Variants in ADGRV1 observed in about 807,000 individuals in gnomAD.
ADGRV1 encodes G-protein coupled receptor 98.
In ADGRV1, 359 loss-of-function variants were observed where a neutral mutation model predicts 596.2. The ratio of observed to expected loss-of-function variants is 0.60; its 90% CI spans 0.55 to 0.66. The LOEUF (loss-of-function observed/expected upper bound fraction) is 0.66, where lower values mean the gene tolerates loss of function less well. ADGRV1 is among the 30% of genes least tolerant of loss of function. The pLI is 0.00. For synonymous variants in ADGRV1, 2,681 were observed against 2,679.2 expected, an observed-to-expected ratio of 1.00 and a Z score of -0.02; for missense variants, 7,274 against 7,575.6, an observed-to-expected ratio of 0.96 and a Z score of 1.48.
chr5:91,092,195 G>A (rs1352610611), intron 86 of ADGRV1, among the ~76,000 whole-genome samples: 1 of 152,172 alleles, frequency 6.6e-6, no homozygotes, highest in East Asian at 1.9e-4. Context: ...CTGCCTCCCA[G>A]GTTCAAGCAA....
At chr5:90,581,712 T>C (rs1009478752) in intron 1 of ADGRV1, among the ~76,000 whole-genome samples, 1 of 152,164 alleles carries the variant, frequency 6.6e-6, no homozygotes, top group Non-Finnish European at 1.5e-5. Flanking sequence ...GGCACCCACT[T>C]AAGGAGGCAG....
intron 57 of ADGRV1, among the ~76,000 whole-genome samples, chr5:90,758,042 C>A (rs888625222): frequency 2.6e-5 from 4 of 152,148 alleles, no homozygotes; most frequent in Admixed American, 1.3e-4. Context: ...AGATTTAGAA[C>A]TTGAAACATT....
rs1032425357 is a variant in ADGRV1 at position 90,795,131 on chromosome 5, G to C, written c.14517+3785G>C. ...TTTTCCCTTACCTCAGTGGTGCCTG[G>C]AATGCCAGCGAGACAGAACCGTTCA... is the stretch of plus-strand genomic sequence containing the variant. On this transcript the variant is annotated intron_variant, in intron 70 of 89. Coordinates refer to ENST00000405460, the MANE Select transcript of ADGRV1 (RefSeq NM_032119.4). 2.7e-5 allele frequency among the ~76,000 whole-genome samples: 4 copies of C among 148,354 alleles called. No individual in the cohort carries two copies. The South Asian group carries it at 6.4e-4, about 24-fold the overall frequency.
chr5:90,772,416 G>C (rs1757792003), intron 59 of ADGRV1, among the ~76,000 whole-genome samples: 1 of 152,066 alleles, frequency 6.6e-6, no homozygotes, highest in African/African-American at 2.4e-5. Flanking sequence ...TGTGCTTTCT[G>C]TTGGTGAGTT....
chr5:90,723,305 T>G (rs1054407183), intron 45 of ADGRV1, among the ~76,000 whole-genome samples: 5 of 152,030 alleles, frequency 3.3e-5, no homozygotes, highest in Non-Finnish European at 7.4e-5. Context: ...CCCAAGCATG[T>G]GTAGGTTGGA....
chr5:90,752,435 A>T (rs1252141003), intron 53 of ADGRV1, among the ~76,000 whole-genome samples: 1 of 152,008 alleles, frequency 6.6e-6, no homozygotes, highest in East Asian at 1.9e-4. Flanking sequence ...ATTTTTCCTG[A>T]TCCTCTCCCT....
intron 1 of ADGRV1, among the ~76,000 whole-genome samples, chr5:90,562,108 G>A (rs950705594): frequency 6.6e-6 from 1 of 152,130 alleles, no homozygotes; most frequent in Non-Finnish European, 1.5e-5. Context: ...CAGGGTGAGA[G>A]CTGAATTATT....
At position 90,716,892 on chromosome 5, in the gene ADGRV1, C is replaced by G. The variant is rs919578516; in HGVS notation, c.9447+163C>G. 11 of 545,552 alleles carry G rather than the reference C, an allele frequency of 2.0e-5. 1 individual carries two copies. Among genetic ancestry groups the G allele is most frequent in the African/African-American group, 1.1e-4 (6 of 53,370 alleles). The allele number at this position is 545,552 out of a possible 1,614,324, so 33.8% of individuals were successfully genotyped here. On this transcript the variant is annotated intron_variant, in intron 43 of 89. Transcript: ENST00000405460. ...TTACTATGTGACAAGTGCTGTAGTT[C>G]TATTTACTCTGTATAAAGCGCAACT...
Position 90,724,900 on chromosome 5 carries a change from T to G in ADGRV1, c.9817T>G (p.Phe3273Val). The stretch of plus-strand genomic sequence containing the variant: ...TGAATCAGCTTCTGGCTGGTGTTTC[T>G]TTACTTTGGAAAATTTAATATATGG... Reference protein sequence around the residue: ...LDESASGWCFFTLENLIYGIM... With the variant: ...LDESASGWCFVTLENLIYGIM... Residue 3273 changes from phenylalanine to valine, a missense_variant, in exon 46 of 90, where the codon TTT becomes GTT. Phe to Val is a conservative substitution (Grantham distance 50, BLOSUM62 -1). This residue lies in a region of ADGRV1 where 3,643 missense variants were observed against 3,809.2 expected (regional missense o/e 0.96). Coordinates refer to ENST00000405460, the MANE Select transcript of ADGRV1 (RefSeq NM_032119.4). The G allele has an allele frequency of 6.2e-7, 1 of 1,612,564 alleles. No homozygotes were observed.
intron 21 of ADGRV1, among the ~76,000 whole-genome samples, chr5:90,668,111 G>A (rs1022753454): frequency 1.2e-4 from 18 of 151,872 alleles, no homozygotes; most frequent in Admixed American, 5.2e-4. Context: ...AGGCAGGCAG[G>A]CCTCCTTGAG....
chr5:90,922,998 G>C (rs1774028849), intron 83 of ADGRV1, among the ~76,000 whole-genome samples: 1 of 151,104 alleles, frequency 6.6e-6, no homozygotes, highest in Non-Finnish European at 1.5e-5. Context: ...GACTTGATTT[G>C]TATTTTGTCT....
intron 31 of ADGRV1, 137 bp downstream of exon 31, chr5:90,691,178 G>A (rs922504620): frequency 9.0e-7 from 1 of 1,114,720 alleles, no homozygotes; most frequent in Non-Finnish European, 1.4e-6. Context: ...CTATGCTAGT[G>A]TGAAAGTGAT....
At chr5:90,606,111 T>G (rs1762080813) in intron 1 of ADGRV1, among the ~76,000 whole-genome samples, 1 of 152,218 alleles carries the variant, frequency 6.6e-6, no homozygotes, top group Admixed American at 6.5e-5. Context: ...CACACACTAC[T>G]TTTTGGCTTG....
At chr5:90,821,645 T>C (rs1001882670) in intron 75 of ADGRV1, among the ~76,000 whole-genome samples, 1 of 151,576 alleles carries the variant, frequency 6.6e-6, no homozygotes, top group Non-Finnish European at 1.5e-5. Context: ...GACAGGACCC[T>C]CAGCTGCAGG....
chr5:90,619,925 A>G (rs1763842163), intron 4 of ADGRV1, among the ~76,000 whole-genome samples: 1 of 152,074 alleles, frequency 6.6e-6, no homozygotes, highest in Admixed American at 6.5e-5. Flanking sequence ...TACAAAGGAC[A>G]TGAACTCATC....
intron 1 of ADGRV1, among the ~76,000 whole-genome samples, chr5:90,596,278 C>T (rs536937528): frequency 2.1e-4 from 32 of 151,588 alleles, no homozygotes; most frequent in African/African-American, 7.3e-4. Flanking sequence ...GGATGGCCGC[C>T]GGGCAGAGAC....
intron 1 of ADGRV1, among the ~76,000 whole-genome samples, chr5:90,567,467 A>G (rs146461599): frequency 1.3e-5 from 2 of 152,214 alleles, no homozygotes; most frequent in African/African-American, 2.4e-5. Flanking sequence ...AAGTTTTGCA[A>G]TTACTAATTC....
intron 86 of ADGRV1, among the ~76,000 whole-genome samples, chr5:91,076,158 A>T (rs1788839519): frequency 6.6e-6 from 1 of 152,198 alleles, no homozygotes; most frequent in Non-Finnish European, 1.5e-5. Context: ...GACAATCACA[A>T]GTTAATTCTC....
intron 83 of ADGRV1, among the ~76,000 whole-genome samples, chr5:90,960,911 C>G (rs763359779): frequency 4.3e-4 from 65 of 152,134 alleles, no homozygotes; most frequent in Non-Finnish European, 7.2e-4. Context: ...GCAGATGGGA[C>G]TTGGGTTTTC....
Sources: gnomAD v4.1 joint callset for allele counts (sites outside exome capture counted in the v4.1 genomes callset) on GRCh38, gnomAD v4.1.1 for gene constraint, gnomAD v4.1.1 regional missense constraint, MANE v1.5 for transcripts, NCBI Gene and HGNC (gene_info 2026-07-23, HGNC 2026-07-21) for gene names.